Variants in GIT2 observed in about 807,000 individuals in gnomAD.
The protein encoded by GIT2 is GIT ArfGAP 2.
GIT2 carries 32 observed loss-of-function variants against 100.3 expected under a neutral mutation model. The observed-to-expected ratio is 0.32, with a 90% confidence interval of 0.24 to 0.43. The LOEUF (loss-of-function observed/expected upper bound fraction) is 0.43. Among genes scored for constraint, GIT2 ranks in the 20% least tolerant of loss-of-function variants. The pLI, the probability that GIT2 is intolerant of heterozygous loss-of-function variation, is 1.00. For synonymous variants in GIT2, 353 were observed against 364.1 expected, an observed-to-expected ratio of 0.97 and a Z score of 0.35; for missense variants, 737 against 975.1, an observed-to-expected ratio of 0.76 and a Z score of 3.25.
chr12:109,939,016 A>G, intron 17 of GIT2, 149 bp downstream of exon 17: 2 of 637,396 alleles, frequency 3.1e-6, no homozygotes, highest in East Asian at 5.3e-5. Context: ...CATGTAAACT[A>G]CGAGCGTATG....
intron 7 of GIT2, among the ~76,000 whole-genome samples, chr12:109,972,969 C>A (rs938551012): frequency 1.3e-5 from 2 of 152,078 alleles, no homozygotes; most frequent in South Asian, 4.2e-4. Flanking sequence ...ACTACAGGCA[C>A]GTGCCATCAG....
At position 109,938,553 on chromosome 12, in the gene GIT2, TCC is replaced by T; in HGVS notation, c.1828_1829del (p.Gly610ThrfsTer29). 1.3e-6 allele frequency: 2 copies of T among 1,599,972 alleles called. No individual in the cohort carries two copies. Among genetic ancestry groups the T allele is most frequent in the Non-Finnish European group, 1.7e-6 (2 of 1,174,034 alleles). On this transcript the variant is annotated frameshift_variant, in exon 18 of 20. Transcript: ENST00000355312. LOFTEE classifies it high-confidence loss of function. ...CTGGCCACACCATACTTCTTTGCCGTCCCTTTCGGCTTGACCTGTGAACATTA... is the reference window on the plus strand; with the variant it reads ...CTGGCCACACCATACTTCTTTGCCGTCTTTCGGCTTGACCTGTGAACATTA... ...EPDGMGSSRKGRQRSMVWPGD... is the reference protein window; with the variant it reads ...EPDGMGSSRKXRQRSMVWPGD...
At chr12:109,958,779 G>A (rs1255876642) in intron 12 of GIT2, among the ~76,000 whole-genome samples, 4 of 152,108 alleles carry the variant, frequency 2.6e-5, no homozygotes, top group Non-Finnish European at 5.9e-5. Context: ...GACTTACAAT[G>A]AAAAACGTCT....
At chr12:109,983,800 A>G (rs1478612538) in intron 4 of GIT2, 106 bp from the exon 5 acceptor site, 11 of 699,576 alleles carry the variant, frequency 1.6e-5, no homozygotes, top group Non-Finnish European at 2.5e-5. Context: ...AGTAACGCAT[A>G]ATCTTTATTT....
chr12:109,990,015 G>C (rs1888093602), intron 2 of GIT2, among the ~76,000 whole-genome samples: 1 of 152,088 alleles, frequency 6.6e-6, no homozygotes, highest in African/African-American at 2.4e-5. Flanking sequence ...AATACCTAAA[G>C]TGTGACTGAA....
Position 109,996,273 on chromosome 12 carries a change from G to T in GIT2, c.-49C>A. ...GAACTAGAGGCCGGGGGACAGCAAA[G>T]GCGGCGGTGGCGGCGGCGCTTCCGC... is the stretch of plus-strand genomic sequence containing the variant. On this transcript the variant is annotated 5_prime_UTR_variant, in exon 1 of 20. Coordinates refer to ENST00000355312, the MANE Select transcript of GIT2 (RefSeq NM_057169.5). The T allele has an allele frequency of 7.8e-7, 1 of 1,288,632 alleles. No individual in the cohort carries two copies. Among genetic ancestry groups the T allele is most frequent in the Non-Finnish European group, 1.1e-6 (1 of 927,592 alleles). 79.8% of individuals were successfully genotyped at this position (1,288,632 alleles called of 1,614,324 possible).
chr12:109,948,166 T>C lies in GIT2; in HGVS notation c.1393-662A>G. ...AGAGAAAACCGGATCATGGTAAGTTTGCTATATTAACATATCACGAAGAAA... is the reference window on the plus strand; with the variant it reads ...AGAGAAAACCGGATCATGGTAAGTTCGCTATATTAACATATCACGAAGAAA... On this transcript the variant is annotated intron_variant, in intron 14 of 19. Transcript: ENST00000355312. The surrounding 1 kb of genome is among the most constrained non-coding windows in gnomAD (Gnocchi z 4.3). The C allele has an allele frequency of 1.0e-6, 1 of 976,686 alleles. No individual in the cohort carries two copies. Among genetic ancestry groups the C allele is most frequent in the Non-Finnish European group, 1.2e-6 (1 of 821,992 alleles). 60.5% of individuals were successfully genotyped at this position (976,686 alleles called of 1,614,324 possible). A position where few individuals can be genotyped will look rare whatever the true frequency, so the allele number is the denominator to read the frequency against.
At chr12:109,972,977 C>A (rs1057361626) in intron 7 of GIT2, among the ~76,000 whole-genome samples, 4 of 152,070 alleles carry the variant, frequency 2.6e-5, no homozygotes, top group Non-Finnish European at 5.9e-5. Context: ...CACGTGCCAT[C>A]AGGCTAGGCT....
At chr12:109,989,101 T>A (rs771052405) in intron 3 of GIT2, 33 bp from the exon 4 acceptor site, 1 of 1,234,450 alleles carries the variant, frequency 8.1e-7, no homozygotes, top group Non-Finnish European at 1.2e-6. Flanking sequence ...AACAGTTCAC[T>A]CGTTCAGATA....
chr12:109,954,025 T>G, intron 12 of GIT2: 1 of 152,226 alleles, frequency 6.6e-6, no homozygotes, highest in East Asian at 1.9e-4. Flanking sequence ...ATAGAAGCAC[T>G]GGGCCGGGCG....
At chr12:109,957,381 C>T (rs1879766324) in intron 12 of GIT2, among the ~76,000 whole-genome samples, 1 of 152,202 alleles carries the variant, frequency 6.6e-6, no homozygotes, top group Non-Finnish European at 1.5e-5. Context: ...CCCAATCCTC[C>T]AGTCAGCAGA....
chr12:109,985,163 C>G (rs930660259), intron 4 of GIT2, among the ~76,000 whole-genome samples: 3 of 151,948 alleles, frequency 2.0e-5, no homozygotes, highest in Admixed American at 1.3e-4. Flanking sequence ...AACACAGGGT[C>G]TCGTTATGTT....
Position 109,933,529 on chromosome 12 carries a change from CCTTGT to C in GIT2, c.2068-344_2068-340del, listed in dbSNP as rs1872095128. The C allele has an allele frequency of 1.2e-5, 3 of 250,338 alleles. No homozygotes were observed. Among genetic ancestry groups the C allele is most frequent in the African/African-American group, 4.4e-5 (2 of 45,120 alleles). 15.5% of individuals were successfully genotyped at this position (250,338 alleles called of 1,614,324 possible). A position where few individuals can be genotyped will look rare whatever the true frequency, so the allele number is the denominator to read the frequency against. On this transcript the variant is annotated intron_variant, in intron 19 of 19. Coordinates refer to ENST00000355312, the MANE Select transcript of GIT2 (RefSeq NM_057169.5). This position sits in a 1 kb window ranked among gnomAD's most constrained non-coding sequence, Gnocchi z 4.5. ...GTGCCTTTTAGCACGACTTGTATATCCTTGTCTTATTAAATCAACATTCATGCAGA... is the reference window on the plus strand; with the variant it reads ...GTGCCTTTTAGCACGACTTGTATATCCTTATTAAATCAACATTCATGCAGA...
At chr12:109,954,366 TA>T (rs1399488232) in intron 12 of GIT2, 1 of 151,296 alleles carries the variant, frequency 6.6e-6, no homozygotes, top group Non-Finnish European at 1.5e-5. Flanking sequence ...GAGAAAGAGA[TA>T]AAGGAGAATG....
At chr12:109,937,328 G>A (rs2136149575) in intron 18 of GIT2, among the ~76,000 whole-genome samples, 1 of 152,306 alleles carries the variant, frequency 6.6e-6, no homozygotes. Flanking sequence ...AAAACAGAGA[G>A]AAGAGTAAAC....
At chr12:109,939,011 A>G (rs1592950453) in intron 17 of GIT2, 154 bp downstream of exon 17, 1 of 630,120 alleles carries the variant, frequency 1.6e-6, no homozygotes, top group East Asian at 2.7e-5. Context: ...CAAGACATGT[A>G]AACTACGAGC....
chr12:109,996,058 G>A (rs1273501667), intron 1 of GIT2, 115 bp downstream of exon 1: 10 of 653,480 alleles, frequency 1.5e-5, no homozygotes, highest in Non-Finnish European at 2.4e-5. Flanking sequence ...GCCGCCCAGG[G>A]ACCTCTTCGT....
intron 15 of GIT2, 40 bp from the exon 16 acceptor site, chr12:109,945,389 A>C: frequency 9.8e-7 from 1 of 1,022,366 alleles, no homozygotes; most frequent in Non-Finnish European, 1.5e-6. Flanking sequence ...AAAATACAAA[A>C]CAAACCAAAA....
intron 2 of GIT2, 48 bp downstream of exon 2, chr12:109,991,579 G>C (rs972123392): frequency 3.4e-6 from 5 of 1,484,288 alleles, no homozygotes; most frequent in Non-Finnish European, 3.7e-6. Flanking sequence ...AACATGATGA[G>C]CCCTAAAATG....
Sources: gnomAD v4.1 joint callset for allele counts (sites outside exome capture counted in the v4.1 genomes callset) on GRCh38, gnomAD v4.1.1 for gene constraint, Gnocchi (gnomAD v3.1) non-coding constraint, MANE v1.5 for transcripts, NCBI Gene and HGNC (gene_info 2026-07-23, HGNC 2026-07-21) for gene names.